CUX1: variants seen among roughly 807,000 people sequenced by gnomAD.
CUX1 encodes the protein cut like homeobox 1.
CUX1 carries 31 observed loss-of-function variants against 158.8 expected under a neutral mutation model. The ratio of observed to expected loss-of-function variants is 0.20; its 90% CI spans 0.15 to 0.26. The LOEUF (loss-of-function observed/expected upper bound fraction) is 0.26. Among genes scored for constraint, CUX1 ranks in the 10% least tolerant of loss-of-function variants. The pLI is 1.00. For missense variants in CUX1, 1,589 were observed against 2,014.6 expected (o/e 0.79, Z 4.04); for synonymous variants, 879 against 862.1 (o/e 1.02, Z -0.34).
At chr7:102,078,750 G>A (rs1459691557) in intron 4 of CUX1, among the ~76,000 whole-genome samples, 1 of 152,214 alleles carries the variant, frequency 6.6e-6, no homozygotes, top group African/African-American at 2.4e-5. Context: ...AAAAGTAGAT[G>A]TAGGTTTTTC....
chr7:101,934,932 G>A (rs73403668), intron 2 of CUX1, among the ~76,000 whole-genome samples: 3 of 152,138 alleles, frequency 2.0e-5, no homozygotes, highest in East Asian at 1.9e-4. Flanking sequence ...AGCATTGCCC[G>A]GGGTGAGGAG....
intron 1 of CUX1, among the ~76,000 whole-genome samples, chr7:101,889,763 C>T (rs1800662398): frequency 6.6e-6 from 1 of 152,178 alleles, no homozygotes; most frequent in Admixed American, 6.5e-5. Flanking sequence ...CAGAGCAAGA[C>T]TATATCTCAA....
intron 2 of CUX1, among the ~76,000 whole-genome samples, chr7:101,964,920 C>T (rs916648245): frequency 2.0e-5 from 3 of 152,184 alleles, no homozygotes; most frequent in African/African-American, 7.2e-5. Context: ...GAGCCTGATT[C>T]CTTTCCAGGG....
intron 2 of CUX1, among the ~76,000 whole-genome samples, chr7:101,987,754 T>C (rs1156679384): frequency 6.6e-6 from 1 of 152,232 alleles, no homozygotes; most frequent in Non-Finnish European, 1.5e-5. Context: ...ATCAGAGTGC[T>C]GATCTTACAG....
chr7:102,167,409 G>T (rs1266888366), intron 9 of CUX1, among the ~76,000 whole-genome samples: 1 of 152,208 alleles, frequency 6.6e-6, no homozygotes, highest in Non-Finnish European at 1.5e-5. Context: ...ATGCCTGCTT[G>T]AGACCATGTA....
intron 1 of CUX1, among the ~76,000 whole-genome samples, chr7:101,838,042 G>T (rs915894726): frequency 6.6e-6 from 1 of 151,340 alleles, no homozygotes; most frequent in Admixed American, 6.6e-5. Flanking sequence ...TAAAATATGT[G>T]GCCTATTTTG....
chr7:102,175,669 G>A (rs558014698), intron 10 of CUX1, among the ~76,000 whole-genome samples: 7 of 151,808 alleles, frequency 4.6e-5, no homozygotes, highest in South Asian at 4.2e-4. Flanking sequence ...CAGCCCTCCC[G>A]AGGCCCACCC....
At chr7:102,034,167 A>AAAAAAAAAAAC (rs1821143715) in intron 3 of CUX1, among the ~76,000 whole-genome samples, 1 of 149,404 alleles carries the variant, frequency 6.7e-6, no homozygotes, top group African/African-American at 2.5e-5. Context: ...AAAAAAAAAA[A>AAAAAAAAAAAC]GTCAGTCTTA....
In CUX1 at chr7:102,249,031, T is replaced by G; in HGVS notation, c.4507T>G (p.Trp1503Gly). The change falls in exon 24 of 24, where the codon TGG (tryptophan) becomes GGG (glycine). Residue 1503 changes from tryptophan to glycine, a missense_variant. Around this residue, in one of 8 missense-constraint regions of CUX1, gnomAD observed 344 missense variants for 323.7 expected, o/e 1.06. Transcript: ENST00000292535. ...CGCCAGCCGGGAGGAACCTATCGAATGGGAGTTCTGAGGGGCCGCGGCCCT... is the reference window on the plus strand; with the variant it reads ...CGCCAGCCGGGAGGAACCTATCGAAGGGGAGTTCTGAGGGGCCGCGGCCCT... ...KAASREEPIE[W>G]EF The G allele has an allele frequency of 7.4e-7, 1 of 1,353,616 alleles. No homozygotes were observed. The highest frequency in any genetic ancestry group is 9.6e-7 in the Non-Finnish European group (1 of 1,040,022). 83.9% of individuals were successfully genotyped at this position (1,353,616 alleles called of 1,614,324 possible).
chr7:102,062,375 T>G (rs1432414589), intron 3 of CUX1, among the ~76,000 whole-genome samples: 1 of 152,206 alleles, frequency 6.6e-6, no homozygotes, highest in Non-Finnish European at 1.5e-5. Flanking sequence ...GGTTGGGCAC[T>G]TTCTCACCCC....
intron 20 of CUX1, among the ~76,000 whole-genome samples, chr7:102,205,938 G>A (rs1275805349): frequency 1.3e-5 from 2 of 152,112 alleles, no homozygotes; most frequent in Non-Finnish European, 2.9e-5. Flanking sequence ...GCTTTTCACA[G>A]CCAGCTTTTA....
intron 1 of CUX1, among the ~76,000 whole-genome samples, chr7:101,863,227 T>A (rs1323839358): frequency 6.6e-6 from 1 of 151,918 alleles, no homozygotes. Flanking sequence ...ACTGCCACTT[T>A]CCCACAAATG....
intron 14 of CUX1, chr7:102,273,235 G>A (rs1791356688): frequency 5.5e-6 from 7 of 1,269,238 alleles, no homozygotes; most frequent in Admixed American, 4.1e-5. Flanking sequence ...AGTTGGGAGG[G>A]AATAGCCAGC....
chr7:102,095,824 A>T (rs1406128232), intron 4 of CUX1, among the ~76,000 whole-genome samples: 3 of 152,218 alleles, frequency 2.0e-5, no homozygotes, highest in African/African-American at 7.2e-5. Flanking sequence ...AGCCCTGTGG[A>T]CTTGGGTATT....
Position 102,255,124 on chromosome 7 carries a change from C to T in CUX1, c.*6082C>T. 1 of 985,318 alleles carries T rather than the reference C, an allele frequency of 1.0e-6. No individual in the cohort carries two copies. Among genetic ancestry groups the T allele is most frequent in the Non-Finnish European group, 1.2e-6 (1 of 829,910 alleles). 61.0% of individuals were successfully genotyped at this position (985,318 alleles called of 1,614,324 possible). On this transcript the variant is annotated 3_prime_UTR_variant, in exon 24 of 24. Transcript: ENST00000292535. ...CCCAGAGGCCCCGGCGGCCTGTGCT[C>T]CTCACCACCCTGGTCAGGGGAATAG... is the stretch of plus-strand genomic sequence containing the variant.
At chr7:102,052,400 C>T (rs1823627236) in intron 3 of CUX1, among the ~76,000 whole-genome samples, 1 of 152,046 alleles carries the variant, frequency 6.6e-6, no homozygotes, top group Non-Finnish European at 1.5e-5. Flanking sequence ...GTTTTTTGTT[C>T]CCGGCTTCTT....
At chr7:102,026,606 G>A (rs567124931) in intron 2 of CUX1, among the ~76,000 whole-genome samples, 2 of 151,932 alleles carry the variant, frequency 1.3e-5, no homozygotes, top group African/African-American at 4.8e-5. Flanking sequence ...GATCACCTAC[G>A]GTCAGGAGTT....
Position 102,248,585 on chromosome 7 carries a change from A to T in CUX1, c.4061A>T (p.Glu1354Val). ...TEGPGSADTE[E>V]PKSQGEAERE... ...GGCCCAGGCAGCGCCGACACCGAGG[A>T]GCCCAAGTCTCAGGGAGAGGCCGAG... Residue 1354 changes from glutamate to valine, a missense_variant, in exon 24 of 24, where the codon GAG becomes GTG. This residue lies in a region of CUX1 where 344 missense variants were observed against 323.7 expected (regional missense o/e 1.06). Transcript: ENST00000292535. This position sits in a 1 kb window ranked among gnomAD's most constrained non-coding sequence, Gnocchi z 5.8. 6.8e-7 allele frequency: 1 copy of T among 1,480,434 alleles called. No individual in the cohort carries two copies. The highest frequency in any genetic ancestry group is 8.9e-7 in the Non-Finnish European group (1 of 1,120,386). 91.7% of individuals were successfully genotyped at this position (1,480,434 alleles called of 1,614,324 possible).
Position 102,251,301 on chromosome 7 carries a change from G to A in CUX1, c.*2259G>A, listed in dbSNP as rs138464368. The A allele has an allele frequency of 1.8e-4, 174 of 985,128 alleles. No individual in the cohort carries two copies. Among genetic ancestry groups the A allele is most frequent in the African/African-American group, 1.2e-3 (69 of 57,248 alleles). The allele number at this position is 985,128 out of a possible 1,614,324, so 61.0% of individuals were successfully genotyped here. ...GGTATGCTCTGGCTGTTCCACCTCC[G>A]TGTGCTTGTTAATTAACTTGTAGGA... is the stretch of plus-strand genomic sequence containing the variant. On this transcript the variant is annotated 3_prime_UTR_variant, in exon 24 of 24. Transcript: ENST00000292535.
Sources: allele counts gnomAD v4.1 joint callset (sites outside exome capture counted in the v4.1 genomes callset), GRCh38; gene constraint gnomAD v4.1.1; regional missense constraint gnomAD v4.1.1; non-coding constraint Gnocchi (gnomAD v3.1); transcripts MANE v1.5; gene names NCBI Gene and HGNC (gene_info 2026-07-23, HGNC 2026-07-21).